CNBD1: variants seen among roughly 807,000 people sequenced by gnomAD.
CNBD1 encodes the protein cyclic nucleotide binding domain containing 1.
Under a neutral mutation model 54.4 loss-of-function variants are expected in CNBD1, and 71 were observed. The observed-to-expected ratio is 1.30, with a 90% CI of 1.08 to 1.59. CNBD1 has a LOEUF of 1.59. CNBD1 is among the 40% of genes most tolerant of loss of function. CNBD1 has a pLI of 0.00. For missense variants in CNBD1, 659 were observed against 518.0 expected (o/e 1.27, Z -2.64); for synonymous variants, 182 against 170.7 (o/e 1.07, Z -0.51).
chr8:87,147,746 A>G (rs1222799049), intron 4 of CNBD1, among the ~76,000 whole-genome samples: 2 of 152,120 alleles, frequency 1.3e-5, no homozygotes. Flanking sequence ...CAAGAATAAT[A>G]AATTTTAATT....
chr8:87,046,861 G>A (rs1169450589), intron 4 of CNBD1, among the ~76,000 whole-genome samples: 1 of 152,074 alleles, frequency 6.6e-6, no homozygotes, highest in Non-Finnish European at 1.5e-5. Context: ...TCGCCCACTA[G>A]TGTGTAGGTT....
At chr8:86,880,199 T>C (rs1808584328) in intron 1 of CNBD1, among the ~76,000 whole-genome samples, 1 of 145,042 alleles carries the variant, frequency 6.9e-6, no homozygotes, top group African/African-American at 2.6e-5. Context: ...ACAATGTACA[T>C]GTCACACAGC....
At chr8:86,888,951 G>A (rs948253555) in intron 2 of CNBD1, among the ~76,000 whole-genome samples, 3 of 152,084 alleles carry the variant, frequency 2.0e-5, no homozygotes, top group Middle Eastern at 3.2e-3. Flanking sequence ...AATGTGATCA[G>A]CCTTACTCTT....
intron 2 of CNBD1, among the ~76,000 whole-genome samples, chr8:87,395,601 A>G (rs1349583133): frequency 1.3e-5 from 2 of 151,922 alleles, no homozygotes; most frequent in South Asian, 2.1e-4. Flanking sequence ...TGAGAATATT[A>G]TGAAGGCTAA....
At chr8:87,297,264 T>G (rs955808101) in intron 8 of CNBD1, among the ~76,000 whole-genome samples, 1 of 151,946 alleles carries the variant, frequency 6.6e-6, no homozygotes, top group African/African-American at 2.4e-5. Flanking sequence ...AAATTACTAA[T>G]TAGACACTTT....
At chr8:87,149,853 G>T (rs1812565911) in intron 4 of CNBD1, among the ~76,000 whole-genome samples, 1 of 152,052 alleles carries the variant, frequency 6.6e-6, no homozygotes, top group Non-Finnish European at 1.5e-5. Context: ...CAAATCATGA[G>T]AAAATAGAAG....
chr8:87,083,765 T>A (rs1304747225), intron 4 of CNBD1, among the ~76,000 whole-genome samples: 1 of 151,920 alleles, frequency 6.6e-6, no homozygotes, highest in Non-Finnish European at 1.5e-5. Context: ...ATTTTTTGTG[T>A]TTTTAGTAGA....
intron 2 of CNBD1, among the ~76,000 whole-genome samples, chr8:87,397,037 G>T (rs1811420323): frequency 6.6e-6 from 1 of 151,246 alleles, no homozygotes; most frequent in South Asian, 2.1e-4. Context: ...TGGTTTTAGA[G>T]GCAAGCTTTT....
At chr8:87,383,204 G>A (rs960378113), downstream of CNBD1, among the ~76,000 whole-genome samples, 1 of 152,040 alleles carries the variant, frequency 6.6e-6, no homozygotes, top group South Asian at 2.1e-4. Context: ...ATATTATGGA[G>A]AATATCAGTT....
At chr8:87,411,891 T>G (rs757119538) in intron 2 of CNBD1, among the ~76,000 whole-genome samples, 33 of 152,114 alleles carry the variant, frequency 2.2e-4, no homozygotes, top group Non-Finnish European at 4.0e-4. Flanking sequence ...AACAATATTA[T>G]TGTTTAAACA....
chr8:87,048,715 G>C (rs1292060631), intron 4 of CNBD1, among the ~76,000 whole-genome samples: 1 of 152,148 alleles, frequency 6.6e-6, no homozygotes, highest in African/African-American at 2.4e-5. Context: ...TATACTAAAA[G>C]ATATGGAATG....
At chr8:87,272,310 G>A (rs1300063309) in intron 6 of CNBD1, among the ~76,000 whole-genome samples, 1 of 151,900 alleles carries the variant, frequency 6.6e-6, no homozygotes, top group Non-Finnish European at 1.5e-5. Flanking sequence ...TTATATAAAT[G>A]TATGAAATCA....
chr8:87,129,094 A>AAAAAAAAAAAAAAAAAAAAAAAAAAT (rs1491092510), intron 4 of CNBD1, among the ~76,000 whole-genome samples: 1 of 136,374 alleles, frequency 7.3e-6, no homozygotes, highest in African/African-American at 3.2e-5. Context: ...AAAAAAAAGA[A>AAAAAAAAAAAAAAAAAAAAAAAAAAT]TTTTGCTATC....
intron 10 of CNBD1, among the ~76,000 whole-genome samples, chr8:87,381,959 G>C (rs527836427): frequency 6.6e-6 from 1 of 151,706 alleles, no homozygotes. Context: ...ATATTGTATT[G>C]TACACTTAAA....
Position 86,882,876 on chromosome 8 carries a change from T to C in CNBD1, c.89-4666T>C, listed in dbSNP as rs559147523. Among the ~76,000 whole-genome samples, 3 of 152,260 alleles carry C rather than the reference T, an allele frequency of 2.0e-5. No individual in the cohort carries two copies. The East Asian group carries it at 5.8e-4, about 29-fold the overall frequency. Reference sequence around the variant, plus strand: ...TAAGATTATGTCCTTCACAGGGACATGGATGGATTTCGAGGCCATCATCCT... The same window carrying C: ...TAAGATTATGTCCTTCACAGGGACACGGATGGATTTCGAGGCCATCATCCT... On this transcript the variant is annotated intron_variant, in intron 1 of 10. Transcript: ENST00000518476.
At chr8:87,274,038 G>C (rs1239737256) in intron 6 of CNBD1, among the ~76,000 whole-genome samples, 2 of 150,880 alleles carry the variant, frequency 1.3e-5, no homozygotes, top group Non-Finnish European at 2.9e-5. Context: ...TTTTGTTCTT[G>C]CGATAGTTTA....
At chr8:87,298,482 T>C (rs1313289324) in intron 8 of CNBD1, among the ~76,000 whole-genome samples, 7 of 142,082 alleles carry the variant, frequency 4.9e-5, no homozygotes, top group Non-Finnish European at 9.1e-5. Flanking sequence ...GGTTTCTTTT[T>C]TCCCTCTTTT....
At chr8:87,340,696 A>C (rs1404552121) in intron 8 of CNBD1, among the ~76,000 whole-genome samples, 1 of 152,076 alleles carries the variant, frequency 6.6e-6, no homozygotes, top group African/African-American at 2.4e-5. Flanking sequence ...TTTGCTTTAT[A>C]AAGTCTGCTG....
intron 4 of CNBD1, among the ~76,000 whole-genome samples, chr8:86,951,928 C>T (rs905266608): frequency 2.0e-5 from 3 of 152,112 alleles, no homozygotes; most frequent in Non-Finnish European, 4.4e-5. Context: ...TAAAAAGCTG[C>T]ATACCTCCCT....
Sources: allele counts gnomAD v4.1 joint callset (sites outside exome capture counted in the v4.1 genomes callset), GRCh38; gene constraint gnomAD v4.1.1; transcripts MANE v1.5; gene names NCBI Gene and HGNC (gene_info 2026-07-23, HGNC 2026-07-21).